PPM1A: variants seen among roughly 807,000 people sequenced by gnomAD.
PPM1A encodes the protein protein phosphatase 1A.
Under a neutral mutation model 35.0 loss-of-function variants are expected in PPM1A, and 7 were observed. The observed-to-expected ratio is 0.20, with a 90% CI of 0.11 to 0.38. The LOEUF is 0.38. Ranked by LOEUF, PPM1A falls within the 10% of genes least tolerant of loss-of-function variation. PPM1A has a pLI of 1.00. For missense variants in PPM1A, 239 were observed against 467.8 expected (o/e 0.51, Z 4.51); for synonymous variants, 153 against 167.3 (o/e 0.91, Z 0.66).
intron 1 of PPM1A, among the ~76,000 whole-genome samples, chr14:60,281,894 A>G (rs1315698358): frequency 6.6e-6 from 1 of 152,220 alleles, no homozygotes; most frequent in Non-Finnish European, 1.5e-5. Flanking sequence ...TATATGATTA[A>G]TAGATTACTA....
At chr14:60,265,387 A>G (rs1217413092) in intron 1 of PPM1A, among the ~76,000 whole-genome samples, 1 of 152,144 alleles carries the variant, frequency 6.6e-6, no homozygotes, top group African/African-American at 2.4e-5. Flanking sequence ...AGTCCCTGTT[A>G]CTATCCCTAC....
At position 60,296,895 on chromosome 14, in the gene PPM1A, A is replaced by T. The variant is rs990044414; in HGVS notation, c.*4413A>T. On this transcript the variant is annotated 3_prime_UTR_variant, in exon 6 of 6. Coordinates refer to ENST00000395076, the MANE Select transcript of PPM1A (RefSeq NM_021003.5). The surrounding 1 kb of genome is among the most constrained non-coding windows in gnomAD (Gnocchi z 4.4). ...ATTCTTTCCCTTTCGATTGTTCTGT[A>T]TGTTAAGATAGTGGCTTCTGCTCTC... The T allele has an allele frequency of 6.9e-6, 2 of 289,300 alleles. No homozygotes were observed. Among genetic ancestry groups the T allele is most frequent in the Non-Finnish European group, 1.3e-5 (2 of 157,160 alleles). 17.9% of individuals were successfully genotyped at this position (289,300 alleles called of 1,614,324 possible).
intron 1 of PPM1A, among the ~76,000 whole-genome samples, chr14:60,278,932 T>C (rs1595345451): frequency 6.6e-6 from 1 of 152,324 alleles, no homozygotes. Flanking sequence ...AAAAAGATCA[T>C]TGAATATGTC....
chr14:60,269,079 C>T (rs370320372), intron 1 of PPM1A, among the ~76,000 whole-genome samples: 3 of 151,626 alleles, frequency 2.0e-5, no homozygotes, highest in East Asian at 3.9e-4. Context: ...AATATATAGT[C>T]TTGAAATTTT....
At position 60,273,047 on chromosome 14, in the gene PPM1A, ACTTT is replaced by A. The variant is rs1247140869; in HGVS notation, c.-20-9633_-20-9630del. ...TTTGAAAAGGCTTCAACTGAGGAACACTTTCTTCTCATTTCTTTGATGATAGCTT... is the reference window on the plus strand; with the variant it reads ...TTTGAAAAGGCTTCAACTGAGGAACACTTCTCATTTCTTTGATGATAGCTT... On this transcript the variant is annotated intron_variant, in intron 1 of 5. Transcript: ENST00000395076. The surrounding 1 kb of genome is among the most constrained non-coding windows in gnomAD (Gnocchi z 4.3). Among the ~76,000 whole-genome samples, 4 of 152,116 alleles carry A rather than the reference ACTTT, an allele frequency of 2.6e-5. No homozygotes were observed. The highest frequency in any genetic ancestry group is 7.2e-5 in the African/African-American group (3 of 41,412).
At chr14:60,254,770 C>T (rs1477871373) in intron 1 of PPM1A, among the ~76,000 whole-genome samples, 1 of 152,130 alleles carries the variant, frequency 6.6e-6, no homozygotes, top group Non-Finnish European at 1.5e-5. Context: ...ATTCTATAAA[C>T]CATCAAAATT....
At chr14:60,257,599 T>C (rs894569588) in intron 1 of PPM1A, among the ~76,000 whole-genome samples, 10 of 152,228 alleles carry the variant, frequency 6.6e-5, no homozygotes, top group African/African-American at 2.4e-4. Flanking sequence ...GAATATGTTA[T>C]TCAAGAATTG....
chr14:60,293,009 T>C lies in PPM1A; in HGVS notation c.*527T>C, dbSNP rs1048318. On this transcript the variant is annotated 3_prime_UTR_variant, in exon 6 of 6. Transcript: ENST00000395076. The surrounding 1 kb of genome is among the most constrained non-coding windows in gnomAD (Gnocchi z 4.0). ...TTACAAAGCTGAACATCCAAGGAGTTATTGAAAACTATCTTAAATGTTCTT... is the reference window on the plus strand; with the variant it reads ...TTACAAAGCTGAACATCCAAGGAGTCATTGAAAACTATCTTAAATGTTCTT... 7,553 of 152,328 alleles carry C rather than the reference T, an allele frequency of 0.05. 267 individuals carry two copies. The highest frequency in any genetic ancestry group is 0.095 in the Middle Eastern group (28 of 294). 9.4% of individuals were successfully genotyped at this position (152,328 alleles called of 1,614,324 possible). A position where few individuals can be genotyped will look rare whatever the true frequency, so the allele number is the denominator to read the frequency against.
At chr14:60,261,050 C>G (rs1214953880) in intron 1 of PPM1A, among the ~76,000 whole-genome samples, 2 of 149,626 alleles carry the variant, frequency 1.3e-5, no homozygotes, top group East Asian at 2.1e-4. Flanking sequence ...CCGAAAATAC[C>G]ACTTAAGTCT....
chr14:60,279,566 T>C (rs76972027), intron 1 of PPM1A, among the ~76,000 whole-genome samples: 3,075 of 152,282 alleles, frequency 0.02, 109 homozygotes, highest in African/African-American at 0.07. Flanking sequence ...TGCTGAGTAG[T>C]TGCTTAAGTG....
intron 1 of PPM1A, chr14:60,250,414 C>A: frequency 2.0e-6 from 2 of 984,900 alleles, no homozygotes; most frequent in Non-Finnish European, 2.4e-6. Flanking sequence ...TCTTGAAAGA[C>A]AGCTGGCTGT....
intron 1 of PPM1A, chr14:60,277,128 A>G (rs1472398430): frequency 2.3e-6 from 2 of 864,550 alleles, no homozygotes; most frequent in Non-Finnish European, 3.0e-6. Context: ...CTAACTAAAA[A>G]CTTTCATGGA....
At position 60,292,476 on chromosome 14, in the gene PPM1A, G is replaced by A; in HGVS notation, c.1143G>A (p.Met381Ile). The change falls in exon 6 of 6, where the codon ATG (methionine) becomes ATA (isoleucine). Residue 381 changes from methionine to isoleucine, a missense_variant. This residue lies in a region of PPM1A where 64 missense variants were observed against 78.6 expected (regional missense o/e 0.81). Transcript: ENST00000395076. This position sits in a 1 kb window ranked among gnomAD's most constrained non-coding sequence, Gnocchi z 4.2. ...DDTDSTSTDD[M>I]W ...AGGACTCTACATCAACAGATGATAT[G>A]TGGTAAAACTGCTCATCTAGCCATG... 1 of 1,601,268 alleles carries A rather than the reference G, an allele frequency of 6.2e-7. No individual in the cohort carries two copies. Among genetic ancestry groups the A allele is most frequent in the Non-Finnish European group, 8.6e-7 (1 of 1,169,550 alleles).
At chr14:60,271,001 G>A (rs1420223343) in intron 1 of PPM1A, among the ~76,000 whole-genome samples, 1 of 152,164 alleles carries the variant, frequency 6.6e-6, no homozygotes, top group Admixed American at 6.5e-5. Flanking sequence ...TCACAGTTCT[G>A]GAGGCCACAA....
At position 60,283,026 on chromosome 14, in the gene PPM1A, T is replaced by C; in HGVS notation, c.323T>C (p.Ile108Thr). ...GGAATCAGAACAGGTTTTCTGGAGA[T>C]TGATGAACACATGAGAGTTATGTCA... ...KNGIRTGFLE[I>T]DEHMRVMSEK... Residue 108 changes from isoleucine (I) to threonine (T), a missense_variant, in exon 2 of 6, where the codon ATT becomes ACT. Physicochemically the swap from Ile to Thr is moderately conservative, Grantham distance 89. Coordinates refer to ENST00000395076, the MANE Select transcript of PPM1A (RefSeq NM_021003.5). This position sits in a 1 kb window ranked among gnomAD's most constrained non-coding sequence, Gnocchi z 6.3. 1.9e-6 allele frequency: 3 copies of C among 1,614,194 alleles called. No homozygotes were observed. Among genetic ancestry groups the C allele is most frequent in the Non-Finnish European group, 2.5e-6 (3 of 1,180,032 alleles).
intron 1 of PPM1A, among the ~76,000 whole-genome samples, chr14:60,251,752 T>G (rs1280780959): frequency 6.6e-6 from 1 of 152,224 alleles, no homozygotes; most frequent in East Asian, 1.9e-4. Context: ...AAATTCTAAG[T>G]TGGTGATGGT....
intron 1 of PPM1A, among the ~76,000 whole-genome samples, chr14:60,269,273 G>A (rs544444851): frequency 6.6e-6 from 1 of 152,156 alleles, no homozygotes; most frequent in African/African-American, 2.4e-5. Flanking sequence ...GTTTTGATTA[G>A]TCTCTTGATT....
intron 3 of PPM1A, chr14:60,286,416 CATATAT>C (rs1436042828): frequency 5.1e-6 from 5 of 984,774 alleles, no homozygotes; most frequent in Non-Finnish European, 6.0e-6. Context: ...CAGTTTATTG[CATATAT>C]GCAGTAAAGT....
chr14:60,262,418 T>G (rs79826897), intron 1 of PPM1A, among the ~76,000 whole-genome samples: 1 of 152,130 alleles, frequency 6.6e-6, no homozygotes, highest in Non-Finnish European at 1.5e-5. Context: ...GCATAGTGGC[T>G]CAAGCCTGTA....
Sources: gnomAD v4.1 joint callset for allele counts (sites outside exome capture counted in the v4.1 genomes callset) on GRCh38, gnomAD v4.1.1 for gene constraint, gnomAD v4.1.1 regional missense constraint, Gnocchi (gnomAD v3.1) non-coding constraint, MANE v1.5 for transcripts, NCBI Gene and HGNC (gene_info 2026-07-23, HGNC 2026-07-21) for gene names.